Variants in SREK1IP1 observed in about 807,000 individuals in gnomAD.
SREK1IP1 encodes the protein SREK1 interacting protein 1, also known as protein SREK1IP1.
SREK1IP1 carries 12 observed loss-of-function variants against 22.8 expected under a neutral mutation model. That is an observed-to-expected ratio of 0.53 (90% CI 0.34 to 0.85). SREK1IP1 has a LOEUF of 0.85. SREK1IP1 is among the 40% of genes least tolerant of loss of function. The probability of loss-of-function intolerance (pLI) is 0.02; values close to 1 mark genes in which losing one functional copy is unlikely to be tolerated. For synonymous variants in SREK1IP1, 53 were observed against 52.7 expected (o/e 1.01, Z -0.02); for missense variants, 147 against 171.8 (o/e 0.86, Z 0.81).
At chr5:64,734,414 T>A (rs1053032800) in intron 3 of SREK1IP1, among the ~76,000 whole-genome samples, 5 of 152,056 alleles carry the variant, frequency 3.3e-5, no homozygotes, top group African/African-American at 4.8e-5. Flanking sequence ...CAATTTTTTT[T>A]ATTTTTATTT....
chr5:64,746,986 T>A (rs1742648601), intron 2 of SREK1IP1, among the ~76,000 whole-genome samples: 1 of 152,138 alleles, frequency 6.6e-6, no homozygotes, highest in Admixed American at 6.5e-5. Flanking sequence ...CTATTACCTG[T>A]TTATTATATA....
At position 64,723,174 on chromosome 5, in the gene SREK1IP1, T is replaced by C. The variant is rs1381274150; in HGVS notation, c.*1210A>G. 4 of 152,210 alleles carry C rather than the reference T, an allele frequency of 2.6e-5. No homozygotes were observed. Among genetic ancestry groups the C allele is most frequent in the African/African-American group, 9.6e-5 (4 of 41,462 alleles). The allele number at this position is 152,210 out of a possible 1,614,324, so 9.4% of individuals were successfully genotyped here. A position where few individuals can be genotyped will look rare whatever the true frequency, so the allele number is the denominator to read the frequency against. On this transcript the variant is annotated 3_prime_UTR_variant, in exon 5 of 5. Coordinates refer to ENST00000513458, the MANE Select transcript of SREK1IP1 (RefSeq NM_173829.4). ...TGAAAATAGAAATTTAAAAAACGTA[T>C]CTACTAATATGTGTTTGAAAATGCT...
At chr5:64,745,644 C>T (rs1000279147) in intron 2 of SREK1IP1, among the ~76,000 whole-genome samples, 1 of 151,420 alleles carries the variant, frequency 6.6e-6, no homozygotes, top group African/African-American at 2.4e-5. Flanking sequence ...AGCTTTGTAC[C>T]CAAATACCTC....
At chr5:64,729,979 G>A (rs1374117103) in intron 3 of SREK1IP1, among the ~76,000 whole-genome samples, 2 of 152,178 alleles carry the variant, frequency 1.3e-5, no homozygotes. Context: ...CTTATAGATA[G>A]TATTTAAAAC....
At chr5:64,734,625 T>A (rs1742428803) in intron 3 of SREK1IP1, among the ~76,000 whole-genome samples, 1 of 152,066 alleles carries the variant, frequency 6.6e-6, no homozygotes, top group Admixed American at 6.6e-5. Flanking sequence ...TATGTTTCAG[T>A]CTTGCATACC....
At chr5:64,760,244 T>C (rs1019114539) in intron 1 of SREK1IP1, among the ~76,000 whole-genome samples, 3 of 152,188 alleles carry the variant, frequency 2.0e-5, no homozygotes, top group African/African-American at 7.2e-5. Flanking sequence ...AAAAAGAAGA[T>C]GATAGAGCAG....
At chr5:64,751,752 T>A (rs1373880307) in intron 2 of SREK1IP1, among the ~76,000 whole-genome samples, 2 of 152,202 alleles carry the variant, frequency 1.3e-5, no homozygotes, top group Non-Finnish European at 2.9e-5. Context: ...TTTACAAGTA[T>A]CTTAACTTCT....
chr5:64,767,896 T>C (rs1239033735), intron 1 of SREK1IP1, among the ~76,000 whole-genome samples: 1 of 152,208 alleles, frequency 6.6e-6, no homozygotes, highest in Non-Finnish European at 1.5e-5. Context: ...GTAATTATTC[T>C]GCAGAGTTCA....
At chr5:64,737,771 T>A (rs1742490450) in intron 3 of SREK1IP1, among the ~76,000 whole-genome samples, 1 of 152,096 alleles carries the variant, frequency 6.6e-6, no homozygotes, top group African/African-American at 2.4e-5. Flanking sequence ...GGGTGTTATA[T>A]AAATATATAA....
At chr5:64,748,634 A>C (rs190296554) in intron 2 of SREK1IP1, among the ~76,000 whole-genome samples, 9 of 152,334 alleles carry the variant, frequency 5.9e-5, no homozygotes, top group Non-Finnish European at 1.2e-4. Flanking sequence ...TTGGAACAAT[A>C]ACAAAAATAA....
intron 2 of SREK1IP1, among the ~76,000 whole-genome samples, chr5:64,750,082 C>A (rs1459355257): frequency 6.6e-6 from 1 of 152,124 alleles, no homozygotes; most frequent in African/African-American, 2.4e-5. Flanking sequence ...CTCTTTACCC[C>A]AAGCCCTGCC....
Position 64,718,377 on chromosome 5 carries a change from G to A in SREK1IP1, c.*6007C>T. The A allele has an allele frequency of 5.8e-6, 1 of 171,768 alleles. No individual in the cohort carries two copies. Among genetic ancestry groups the A allele is most frequent in the Non-Finnish European group, 1.2e-5 (1 of 81,962 alleles). The allele number at this position is 171,768 out of a possible 1,614,324, so 10.6% of individuals were successfully genotyped here. ...ATTTCTCAACTTTCTGATACTTACA[G>A]GCAGTTATTCTTATGAGATGGTACT... On this transcript the variant is annotated 3_prime_UTR_variant, in exon 5 of 5. Coordinates refer to ENST00000513458, the MANE Select transcript of SREK1IP1 (RefSeq NM_173829.4).
At chr5:64,737,507 C>CAAAAA (rs34983078) in intron 3 of SREK1IP1, among the ~76,000 whole-genome samples, 1 of 95,080 alleles carries the variant, frequency 1.1e-5, no homozygotes, top group Non-Finnish European at 2.4e-5. Flanking sequence ...TTCATACTGT[C>CAAAAA]AAAAAAAAAA....
chr5:64,761,482 A>G (rs566484735), intron 1 of SREK1IP1, among the ~76,000 whole-genome samples: 7 of 152,346 alleles, frequency 4.6e-5, no homozygotes, highest in African/African-American at 1.7e-4. Flanking sequence ...CTATACACCT[A>G]GGCTATATGG....
Position 64,754,233 on chromosome 5 carries a change from C to G in SREK1IP1, c.61+82G>C. 4 of 1,351,196 alleles carry G rather than the reference C, an allele frequency of 3.0e-6. No homozygotes were observed. The South Asian group carries it at 4.8e-5, about 16-fold the overall frequency. 83.7% of individuals were successfully genotyped at this position (1,351,196 alleles called of 1,614,324 possible). Reference sequence around the variant, plus strand: ...GACTATGCAACTGGGCCCCTGAAATCAGGGTGCTACATTATATTGCCCAAA... The same window carrying G: ...GACTATGCAACTGGGCCCCTGAAATGAGGGTGCTACATTATATTGCCCAAA... On this transcript the variant is annotated intron_variant, in intron 2 of 4. Coordinates refer to ENST00000513458, the MANE Select transcript of SREK1IP1 (RefSeq NM_173829.4).
At chr5:64,766,089 A>G (rs534365140) in intron 1 of SREK1IP1, among the ~76,000 whole-genome samples, 1 of 152,282 alleles carries the variant, frequency 6.6e-6, no homozygotes, top group South Asian at 2.1e-4. Context: ...CATTCTACAC[A>G]CCATCTAAGC....
At chr5:64,735,206 T>C (rs915211960) in intron 3 of SREK1IP1, among the ~76,000 whole-genome samples, 1 of 152,042 alleles carries the variant, frequency 6.6e-6, no homozygotes, top group African/African-American at 2.4e-5. Context: ...CACTGACTTC[T>C]GAATATAAAA....
At chr5:64,752,244 C>T (rs1029070037) in intron 2 of SREK1IP1, among the ~76,000 whole-genome samples, 9 of 149,518 alleles carry the variant, frequency 6.0e-5, no homozygotes, top group Non-Finnish European at 1.0e-4. Context: ...CTCCACCTCC[C>T]GGGTTCACGC....
chr5:64,768,426 G>T, intron 1 of SREK1IP1, 79 bp downstream of exon 1: 2 of 1,593,420 alleles, frequency 1.3e-6, no homozygotes, highest in Non-Finnish European at 8.6e-7. Flanking sequence ...GCGCTGCTCC[G>T]TACACGCCGC....
Sources: allele counts gnomAD v4.1 joint callset (sites outside exome capture counted in the v4.1 genomes callset), GRCh38; gene constraint gnomAD v4.1.1; transcripts MANE v1.5; gene names NCBI Gene and HGNC (gene_info 2026-07-23, HGNC 2026-07-21).